AP4S1: variants seen among roughly 807,000 people sequenced by gnomAD.
The protein encoded by AP4S1 is adaptor related protein complex 4 subunit sigma 1.
Under a neutral mutation model 19.8 loss-of-function variants are expected in AP4S1, and 23 were observed. The observed-to-expected ratio is 1.16, with a 90% CI of 0.84 to 1.65. The LOEUF (loss-of-function observed/expected upper bound fraction) is 1.65, where lower values mean the gene tolerates loss of function less well. Ranked by LOEUF, AP4S1 falls within the 40% of genes most tolerant of loss-of-function variation. The pLI is 0.00. For missense variants in AP4S1, 166 were observed against 172.8 expected (o/e 0.96, Z 0.22); for synonymous variants, 46 against 54.1 (o/e 0.85, Z 0.66).
intron 1 of AP4S1, among the ~76,000 whole-genome samples, chr14:31,055,966 C>T (rs1189924835): frequency 1.3e-5 from 2 of 151,652 alleles, no homozygotes; most frequent in Admixed American, 1.3e-4. Flanking sequence ...GCCTCAACCT[C>T]CCAAGTAGCT....
intron 1 of AP4S1, among the ~76,000 whole-genome samples, chr14:31,058,292 G>A (rs1360704004): frequency 1.3e-5 from 2 of 151,976 alleles, no homozygotes; most frequent in Admixed American, 6.6e-5. Context: ...GCTAATCCAA[G>A]GAAAATGCTT....
chr14:31,056,010 AT>A (rs1283672574), intron 1 of AP4S1, among the ~76,000 whole-genome samples: 1 of 151,174 alleles, frequency 6.6e-6, no homozygotes, highest in Non-Finnish European at 1.5e-5. Flanking sequence ...TGCCAGGCTA[AT>A]TTTTTTTATT....
At chr14:31,041,692 G>T (rs1438340304) in intron 1 of AP4S1, among the ~76,000 whole-genome samples, 2 of 152,152 alleles carry the variant, frequency 1.3e-5, no homozygotes, top group African/African-American at 2.4e-5. Flanking sequence ...ATTTGACAAA[G>T]AGTTTTCACC....
In AP4S1 at chr14:31,066,177, A is replaced by G. The variant is rs775061708; in HGVS notation, c.-20A>G. 8 of 1,613,262 alleles carry G rather than the reference A, an allele frequency of 5.0e-6. No individual in the cohort carries two copies. The highest frequency in any genetic ancestry group is 2.2e-5 in the East Asian group (1 of 44,824). On this transcript the variant is annotated 5_prime_UTR_variant, in exon 2 of 6. Coordinates refer to ENST00000542754, the MANE Select transcript of AP4S1 (RefSeq NM_001128126.3). ...TAACTTTTGAACTGTATTTGGAAAAATACTGGCCAGGAAAGAAAAATGATA... is the reference window on the plus strand; with the variant it reads ...TAACTTTTGAACTGTATTTGGAAAAGTACTGGCCAGGAAAGAAAAATGATA...
intron 5 of AP4S1, among the ~76,000 whole-genome samples, chr14:31,090,655 T>C (rs148961632): frequency 6.6e-6 from 1 of 152,386 alleles, no homozygotes; most frequent in African/African-American, 2.4e-5. Flanking sequence ...AGTGTGTTTA[T>C]TCCATGGGCT....
intron 1 of AP4S1, chr14:31,026,102 C>T (rs1397878577): frequency 2.0e-6 from 3 of 1,526,694 alleles, no homozygotes; most frequent in African/African-American, 1.4e-5. Flanking sequence ...GCGAAAGGCC[C>T]AGGTTCCCCC....
intron 1 of AP4S1, among the ~76,000 whole-genome samples, chr14:31,035,729 T>C (rs1884712284): frequency 6.6e-6 from 1 of 151,506 alleles, no homozygotes; most frequent in Admixed American, 6.6e-5. Flanking sequence ...TTTTTATTTT[T>C]TATTTTTTTA....
At chr14:31,071,860 C>G (rs879919587) in intron 3 of AP4S1, among the ~76,000 whole-genome samples, 1 of 151,938 alleles carries the variant, frequency 6.6e-6, no homozygotes, top group African/African-American at 2.4e-5. Flanking sequence ...AGACTACAGG[C>G]GCACACCAAG....
rs566967208 is a variant in AP4S1, at chr14:31,068,777, G to A, written c.139-1066G>A. Among the ~76,000 whole-genome samples, 66 of 152,210 alleles carry A rather than the reference G, an allele frequency of 4.3e-4. 2 individuals are homozygous for A. The South Asian group carries it at 0.013, about 31-fold the overall frequency. On this transcript the variant is annotated intron_variant, in intron 2 of 5. Coordinates refer to ENST00000542754, the MANE Select transcript of AP4S1 (RefSeq NM_001128126.3). ...AATCAGGCACCAAAGTAGCATAATA[G>A]CAGCTTAGTTTTTATCCATAGAGGT...
intron 4 of AP4S1, among the ~76,000 whole-genome samples, chr14:31,074,365 A>AAAGT (rs1180562625): frequency 2.3e-5 from 2 of 87,884 alleles, no homozygotes; most frequent in Non-Finnish European, 5.6e-5. Flanking sequence ...ATAAATAAAT[A>AAAGT]AAGTAAGCTG....
At chr14:31,059,473 C>A (rs1886307104) in intron 1 of AP4S1, among the ~76,000 whole-genome samples, 1 of 152,130 alleles carries the variant, frequency 6.6e-6, no homozygotes, top group Non-Finnish European at 1.5e-5. Flanking sequence ...ACCTTTGAGA[C>A]ATTTTTTTCC....
At chr14:31,080,945 C>A (rs977296851) in intron 5 of AP4S1, among the ~76,000 whole-genome samples, 1 of 152,130 alleles carries the variant, frequency 6.6e-6, no homozygotes, top group African/African-American at 2.4e-5. Flanking sequence ...GCGCCCACCA[C>A]CACGCCCAGC....
In AP4S1 at chr14:31,095,986, G is replaced by C. The variant is rs577569383; in HGVS notation, c.*2951G>C. 1.3e-5 allele frequency: 2 copies of C among 151,606 alleles called. No individual in the cohort carries two copies. The highest frequency in any genetic ancestry group is 4.2e-4 in the South Asian group (2 of 4,802). 9.4% of individuals were successfully genotyped at this position (151,606 alleles called of 1,614,324 possible). On this transcript the variant is annotated 3_prime_UTR_variant, in exon 6 of 6. Transcript: ENST00000542754. Reference sequence around the variant, plus strand: ...TATAATCCCAACTACTTGGGAGGCTGTGGTAGGAGGATCACTTGAACCCAG... The same window carrying C: ...TATAATCCCAACTACTTGGGAGGCTCTGGTAGGAGGATCACTTGAACCCAG...
intron 1 of AP4S1, among the ~76,000 whole-genome samples, chr14:31,036,589 A>G (rs79479260): frequency 0.089 from 13,581 of 152,192 alleles, 697 homozygotes; most frequent in South Asian, 0.15. Flanking sequence ...ACTGTATTCT[A>G]CCTTGCTCAG....
chr14:31,025,697 G>A lies in AP4S1; in HGVS notation c.-162G>A, dbSNP rs1883815674. The A allele has an allele frequency of 2.7e-6, 2 of 753,550 alleles. No homozygotes were observed. Among genetic ancestry groups the A allele is most frequent in the African/African-American group, 3.6e-5 (2 of 54,824 alleles). The allele number at this position is 753,550 out of a possible 1,614,324, so 46.7% of individuals were successfully genotyped here. A position where few individuals can be genotyped will look rare whatever the true frequency, so the allele number is the denominator to read the frequency against. On this transcript the variant is annotated 5_prime_UTR_variant, in exon 1 of 6. It adds an upstream start codon to the 5' untranslated region. Transcript: ENST00000542754. ...CGAGGAGGCCCGCACCGCGTAGCCA[G>A]TGAAGGTTGGGGAGCAAGCTTATGC...
At chr14:31,031,272 GA>G (rs940673216) in intron 1 of AP4S1, among the ~76,000 whole-genome samples, 2 of 152,130 alleles carry the variant, frequency 1.3e-5, no homozygotes, top group African/African-American at 4.8e-5. Context: ...GTAGCAGTAT[GA>G]AAACGGACTA....
intron 4 of AP4S1, among the ~76,000 whole-genome samples, chr14:31,079,455 G>T (rs1887524347): frequency 6.6e-6 from 1 of 152,032 alleles, no homozygotes; most frequent in Non-Finnish European, 1.5e-5. Context: ...TGCACATTCG[G>T]AGGCTGCACA....
chr14:31,033,112 A>T (rs186800229), intron 1 of AP4S1: 5 of 152,270 alleles, frequency 3.3e-5, no homozygotes, highest in Admixed American at 3.3e-4. Flanking sequence ...CATCCTATCA[A>T]TGGGTTCATT....
intron 4 of AP4S1, among the ~76,000 whole-genome samples, chr14:31,076,707 AAATG>A (rs2139085111): frequency 6.6e-6 from 1 of 152,282 alleles, no homozygotes; most frequent in African/African-American, 2.4e-5. Flanking sequence ...AATTGGCCAT[AAATG>A]TAAGTGTTTA....
Sources: allele counts gnomAD v4.1 joint callset (sites outside exome capture counted in the v4.1 genomes callset), GRCh38; gene constraint gnomAD v4.1.1; transcripts MANE v1.5; gene names NCBI Gene and HGNC (gene_info 2026-07-23, HGNC 2026-07-21).